NCOA1: variants seen among roughly 807,000 people sequenced by gnomAD.
The protein encoded by NCOA1 is Hin-2 protein.
In NCOA1, 35 loss-of-function variants were observed where a neutral mutation model predicts 150.9. That is an observed-to-expected ratio of 0.23 (90% CI 0.18 to 0.31). The LOEUF (loss-of-function observed/expected upper bound fraction) is 0.31. NCOA1 is among the 10% of genes least tolerant of loss of function. The pLI, the probability that NCOA1 is intolerant of heterozygous loss-of-function variation, is 1.00. For synonymous variants in NCOA1, 590 were observed against 630.0 expected (o/e 0.94, Z 0.95); for missense variants, 1,491 against 1,749.3 (o/e 0.85, Z 2.63).
chr2:24,683,678 G>A (rs1331366743), intron 8 of NCOA1, among the ~76,000 whole-genome samples: 2 of 152,018 alleles, frequency 1.3e-5, no homozygotes, highest in African/African-American at 4.8e-5. Flanking sequence ...TAGGAGTTAG[G>A]GGACTTTTTC....
intron 2 of NCOA1, among the ~76,000 whole-genome samples, chr2:24,567,292 A>G (rs927880263): frequency 6.6e-6 from 1 of 152,210 alleles, no homozygotes; most frequent in Admixed American, 6.5e-5. Flanking sequence ...TTGAACTCAA[A>G]TAGTAATGAT....
chr2:24,616,927 G>A (rs2148398646), intron 3 of NCOA1, among the ~76,000 whole-genome samples: 1 of 152,290 alleles, frequency 6.6e-6, no homozygotes, highest in African/African-American at 2.4e-5. Flanking sequence ...ACTTTGGAAA[G>A]TTTATAAAAT....
intron 17 of NCOA1, among the ~76,000 whole-genome samples, chr2:24,738,657 C>A (rs191528143): frequency 6.6e-6 from 1 of 152,210 alleles, no homozygotes; most frequent in East Asian, 1.9e-4. Flanking sequence ...GTGCTTTTGG[C>A]CAATTAAAGG....
chr2:24,681,742 T>A (rs1178970135), intron 7 of NCOA1, among the ~76,000 whole-genome samples: 1 of 145,540 alleles, frequency 6.9e-6, no homozygotes, highest in Admixed American at 7.0e-5. Context: ...AGTCTTGGAG[T>A]CTTGCTCTGT....
intron 1 of NCOA1, among the ~76,000 whole-genome samples, chr2:24,560,582 G>A (rs532284819): frequency 5.3e-5 from 8 of 152,120 alleles, no homozygotes; most frequent in Admixed American, 3.3e-4. Context: ...TCTCATCTGC[G>A]TCTTGATCAC....
At chr2:24,611,643 G>A (rs1668633507) in intron 3 of NCOA1, among the ~76,000 whole-genome samples, 1 of 152,084 alleles carries the variant, frequency 6.6e-6, no homozygotes, top group African/African-American at 2.4e-5. Flanking sequence ...AAGTCTTTTT[G>A]TTGAATTGAA....
intron 3 of NCOA1, among the ~76,000 whole-genome samples, chr2:24,598,359 A>G (rs1358880792): frequency 6.6e-6 from 1 of 152,142 alleles, no homozygotes; most frequent in Non-Finnish European, 1.5e-5. Flanking sequence ...ATTCATTGCT[A>G]TGGCCAGGAA....
At chr2:24,492,939 T>A (rs1025749000) in intron 1 of NCOA1, among the ~76,000 whole-genome samples, 2 of 147,432 alleles carry the variant, frequency 1.4e-5, no homozygotes, top group Non-Finnish European at 3.0e-5. Flanking sequence ...TTGTCTCCTC[T>A]TCTGGAATTG....
chr2:24,748,958 A>C (rs1014834447), intron 19 of NCOA1, among the ~76,000 whole-genome samples: 3 of 152,358 alleles, frequency 2.0e-5, no homozygotes, highest in Admixed American at 2.0e-4. Context: ...ATACTATGGC[A>C]TCCTTTTTTC....
chr2:24,749,378 A>C (rs911954264), intron 19 of NCOA1, among the ~76,000 whole-genome samples: 1 of 152,238 alleles, frequency 6.6e-6, no homozygotes, highest in African/African-American at 2.4e-5. Context: ...TAGGATATGC[A>C]GAGGGTCCCA....
intron 1 of NCOA1, among the ~76,000 whole-genome samples, chr2:24,533,661 T>C (rs928693157): frequency 1.3e-5 from 2 of 151,856 alleles, no homozygotes; most frequent in Non-Finnish European, 2.9e-5. Flanking sequence ...CATGAAGGGC[T>C]GTTGAATTTT....
chr2:24,648,302 C>G (rs1382906511), intron 4 of NCOA1, among the ~76,000 whole-genome samples: 1 of 149,910 alleles, frequency 6.7e-6, no homozygotes, highest in Admixed American at 6.7e-5. Context: ...GAGACGGTGT[C>G]TCACTGTGTC....
At chr2:24,553,736 G>A (rs909195991) in intron 1 of NCOA1, among the ~76,000 whole-genome samples, 1 of 152,148 alleles carries the variant, frequency 6.6e-6, no homozygotes, top group African/African-American at 2.4e-5. Context: ...ATGATGGTCT[G>A]TAGTTTTCTT....
At chr2:24,495,092 G>GTTTTTTTTT (rs200403397) in intron 1 of NCOA1, among the ~76,000 whole-genome samples, 1 of 103,618 alleles carries the variant, frequency 9.7e-6, no homozygotes, top group Admixed American at 9.7e-5. Flanking sequence ...AGATGAAGGT[G>GTTTTTTTTT]TTTTTTTTTT....
intron 4 of NCOA1, among the ~76,000 whole-genome samples, chr2:24,656,199 A>G (rs1370344839): frequency 1.3e-5 from 2 of 152,160 alleles, no homozygotes; most frequent in African/African-American, 2.4e-5. Context: ...CAAGAAATAC[A>G]TGAGAAGGAA....
intron 1 of NCOA1, among the ~76,000 whole-genome samples, chr2:24,549,661 C>T (rs191687270): frequency 8.5e-5 from 13 of 152,260 alleles, no homozygotes; most frequent in East Asian, 5.8e-4. Context: ...CCACCTCCCG[C>T]GTTTACGCCA....
intron 14 of NCOA1, among the ~76,000 whole-genome samples, chr2:24,721,224 A>G (rs976883776): frequency 2.0e-5 from 3 of 152,088 alleles, no homozygotes; most frequent in African/African-American, 4.8e-5. Flanking sequence ...TTAGGAGTCT[A>G]TTACTTTTTA....
intron 5 of NCOA1, among the ~76,000 whole-genome samples, chr2:24,663,218 T>C (rs188887702): frequency 1.3e-5 from 2 of 152,344 alleles, no homozygotes; most frequent in African/African-American, 2.4e-5. Flanking sequence ...GAACTACTTA[T>C]AGATTCGTTA....
intron 4 of NCOA1, 69 bp from the exon 5 acceptor site, chr2:24,658,592 G>A: frequency 8.8e-7 from 1 of 1,139,524 alleles, no homozygotes; most frequent in African/African-American, 1.5e-5. Context: ...ACAGAGGGGA[G>A]CTTCCCTACC....
Sources: gnomAD v4.1 joint callset for allele counts (sites outside exome capture counted in the v4.1 genomes callset) on GRCh38, gnomAD v4.1.1 for gene constraint, MANE v1.5 for transcripts, NCBI Gene and HGNC (gene_info 2026-07-23, HGNC 2026-07-21) for gene names.